Variants in PML observed in about 807,000 individuals in gnomAD.
PML encodes protein PML.
A neutral mutation model predicts 65.2 loss-of-function variants in PML; 28 were observed. The observed-to-expected ratio is 0.43, with a 90% CI of 0.32 to 0.59. PML has a LOEUF of 0.59. Ranked by LOEUF, PML falls within the 20% of genes least tolerant of loss-of-function variation. The probability of loss-of-function intolerance (pLI) is 0.08; values close to 1 mark genes in which losing one functional copy is unlikely to be tolerated. For synonymous variants in PML, 500 were observed against 508.8 expected (o/e 0.98, Z 0.23); for missense variants, 1,021 against 1,203.4 (o/e 0.85, Z 2.24).
Position 74,022,946 on chromosome 15 carries a change from G to T in PML, c.721G>T (p.Asp241Tyr), listed in dbSNP as rs779837719. Reference protein sequence around the residue: ...AEIQQRQEELDAMTQALQEQD... With the variant: ...AEIQQRQEELYAMTQALQEQD... ...GATCCAGCAGCGACAGGAGGAGCTGGACGCCATGACGCAGGCGCTGCAGGA... is the reference window on the plus strand; with the variant it reads ...GATCCAGCAGCGACAGGAGGAGCTGTACGCCATGACGCAGGCGCTGCAGGA... The change falls in exon 3 of 9, where the codon GAC becomes TAC. Residue 241 changes from aspartate to tyrosine, a missense_variant. Transcript: ENST00000268058. 9 of 1,611,344 alleles carry T rather than the reference G, an allele frequency of 5.6e-6. No individual in the cohort carries two copies. In the South Asian group the frequency reaches 8.8e-5, roughly 16 times the overall value.
At chr15:74,013,671 A>G (rs973809448) in intron 2 of PML, among the ~76,000 whole-genome samples, 13 of 152,206 alleles carry the variant, frequency 8.5e-5, no homozygotes, top group African/African-American at 3.1e-4. Context: ...CTCAACTCAT[A>G]TATTGCTATG....
chr15:74,004,351 G>C (rs2069932630), intron 2 of PML, among the ~76,000 whole-genome samples: 2 of 152,244 alleles, frequency 1.3e-5, no homozygotes, highest in South Asian at 4.2e-4. Context: ...GCCCAGGCTG[G>C]TGTGCAGTGG....
rs981595491 is a variant in PML at position 74,037,682 on chromosome 15, G to A, written c.1710+3152G>A. 2.8e-5 allele frequency: 28 copies of A among 985,212 alleles called. No individual in the cohort carries two copies. Among genetic ancestry groups the A allele is most frequent in the Non-Finnish European group, 3.3e-5 (27 of 829,912 alleles). The allele number at this position is 985,212 out of a possible 1,614,324, so 61.0% of individuals were successfully genotyped here. A position where few individuals can be genotyped will look rare whatever the true frequency, so the allele number is the denominator to read the frequency against. On this transcript the variant is annotated intron_variant, in intron 7 of 8. Coordinates refer to ENST00000268058, the MANE Select transcript of PML (RefSeq NM_033238.3). The surrounding 1 kb of genome is among the most constrained non-coding windows in gnomAD (Gnocchi z 4.2). ...TCGTTATTATTCTTGACCGGCGCTG[G>A]GCCCGGTCTTTCCTGGAAAGATCGC...
intron 2 of PML, among the ~76,000 whole-genome samples, chr15:74,020,452 A>G (rs912550255): frequency 6.6e-5 from 10 of 151,788 alleles, no homozygotes; most frequent in African/African-American, 2.4e-4. Flanking sequence ...ACCAAGACTT[A>G]TTCTTATCAC....
intron 7 of PML, chr15:74,036,941 GCCT>G: frequency 1.0e-6 from 1 of 985,242 alleles, no homozygotes; most frequent in Non-Finnish European, 1.2e-6. Flanking sequence ...TCCTACCTTC[GCCT>G]CCCTCCAGCC....
Position 74,043,338 on chromosome 15 carries a change from A to G in PML, c.1861+199A>G. 6.9e-7 allele frequency: 1 copy of G among 1,457,818 alleles called. No individual in the cohort carries two copies. 90.3% of individuals were successfully genotyped at this position (1,457,818 alleles called of 1,614,324 possible). A position where few individuals can be genotyped will look rare whatever the true frequency, so the allele number is the denominator to read the frequency against. Reference sequence around the variant, plus strand: ...TGGCTTGAATAAAGATGTCCGCCTTATCCAGTGCCTGAGTGTGCGAGAGAG... The same window carrying G: ...TGGCTTGAATAAAGATGTCCGCCTTGTCCAGTGCCTGAGTGTGCGAGAGAG... On this transcript the variant is annotated intron_variant, in intron 8 of 8. Coordinates refer to ENST00000268058, the MANE Select transcript of PML (RefSeq NM_033238.3). This position sits in a 1 kb window ranked among gnomAD's most constrained non-coding sequence, Gnocchi z 4.3.
Position 74,037,517 on chromosome 15 carries a change from C to G in PML, c.1710+2987C>G. ...CTCAGAAAACTCCACCCACTTCTCT[C>G]TCCAGCTGTCGGCTCCCCTTCCTCT... On this transcript the variant is annotated intron_variant, in intron 7 of 8. Coordinates refer to ENST00000268058, the MANE Select transcript of PML (RefSeq NM_033238.3). The surrounding 1 kb of genome is among the most constrained non-coding windows in gnomAD (Gnocchi z 4.2). 1.0e-6 allele frequency: 1 copy of G among 985,410 alleles called. No homozygotes were observed. The highest frequency in any genetic ancestry group is 1.2e-6 in the Non-Finnish European group (1 of 829,930). The allele number at this position is 985,410 out of a possible 1,614,324, so 61.0% of individuals were successfully genotyped here.
chr15:74,026,552 T>G (rs1211634128), intron 4 of PML: 2 of 152,188 alleles, frequency 1.3e-5, no homozygotes, highest in Non-Finnish European at 2.9e-5. Flanking sequence ...TTAATATATG[T>G]GTGCATAATA....
intron 2 of PML, among the ~76,000 whole-genome samples, chr15:74,020,180 A>T (rs980566120): frequency 6.6e-6 from 1 of 152,128 alleles, no homozygotes; most frequent in African/African-American, 2.4e-5. Flanking sequence ...ACTATGTATC[A>T]GTCTGGCTGG....
chr15:74,024,982 G>A, intron 4 of PML, 55 bp downstream of exon 4: 1 of 1,176,574 alleles, frequency 8.5e-7, no homozygotes, highest in Non-Finnish European at 1.3e-6. Flanking sequence ...AGGTCAGGCA[G>A]GTTGTGAGTC....
At chr15:74,004,556 C>T (rs550650497) in intron 2 of PML, among the ~76,000 whole-genome samples, 227 of 152,226 alleles carry the variant, frequency 1.5e-3, no homozygotes, top group Non-Finnish European at 2.1e-3. Flanking sequence ...CTGCCTTAGC[C>T]GCCCAAAGCA....
In PML at chr15:74,035,655, C is replaced by T. The variant is rs767093256; in HGVS notation, c.1710+1125C>T. 10 of 1,613,928 alleles carry T rather than the reference C, an allele frequency of 6.2e-6. No individual in the cohort carries two copies. Among genetic ancestry groups the T allele is most frequent in the Admixed American group, 3.3e-5 (2 of 60,008 alleles). Reference sequence around the variant, plus strand: ...CCGGATACGAGGGGCTGTGCGATCCCGCAGCCGCTCCCTCCGGGGCTCCTC... The same window carrying T: ...CCGGATACGAGGGGCTGTGCGATCCTGCAGCCGCTCCCTCCGGGGCTCCTC... On this transcript the variant is annotated intron_variant, in intron 7 of 8. Transcript: ENST00000268058. This position sits in a 1 kb window ranked among gnomAD's most constrained non-coding sequence, Gnocchi z 4.1.
intron 2 of PML, 141 bp downstream of exon 2, chr15:73,998,617 A>C (rs1257090479): frequency 9.6e-6 from 7 of 728,256 alleles, no homozygotes; most frequent in Non-Finnish European, 1.6e-5. Context: ...GCAGATATGC[A>C]GTGTCCGTGT....
At position 74,045,903 on chromosome 15, in the gene PML, C is replaced by T. The variant is rs1349780648; in HGVS notation, c.*895C>T. On this transcript the variant is annotated 3_prime_UTR_variant, in exon 9 of 9. Transcript: ENST00000268058. ...GGAATCAGAATCTTCAGGGTGGGGC[C>T]CAGCAGTCTGTGTTTTAACAGGTTC... 4.3e-6 allele frequency: 1 copy of T among 232,226 alleles called. No homozygotes were observed. The highest frequency in any genetic ancestry group is 6.1e-5 in the East Asian group (1 of 16,488). 14.4% of individuals were successfully genotyped at this position (232,226 alleles called of 1,614,324 possible).
At position 74,037,830 on chromosome 15, in the gene PML, A is replaced by G; in HGVS notation, c.1710+3300A>G. On this transcript the variant is annotated intron_variant, in intron 7 of 8. Transcript: ENST00000268058. The surrounding 1 kb of genome is among the most constrained non-coding windows in gnomAD (Gnocchi z 4.2). ...CTCTTTTCAGTCTGTGTATTCTCCCAGGTGCTCTCAGCCACGCCCCTGACT... is the reference window on the plus strand; with the variant it reads ...CTCTTTTCAGTCTGTGTATTCTCCCGGGTGCTCTCAGCCACGCCCCTGACT... 1.1e-5 allele frequency: 6 copies of G among 560,426 alleles called. No individual in the cohort carries two copies. The highest frequency in any genetic ancestry group is 1.1e-5 in the Non-Finnish European group (5 of 441,710). 34.7% of individuals were successfully genotyped at this position (560,426 alleles called of 1,614,324 possible).
Position 74,043,597 on chromosome 15 carries a change from A to G in PML, c.1861+458A>G. The G allele has an allele frequency of 2.3e-6, 1 of 436,646 alleles. No individual in the cohort carries two copies. The highest frequency in any genetic ancestry group is 3.2e-5 in the Admixed American group (1 of 31,468). The allele number at this position is 436,646 out of a possible 1,614,324, so 27.0% of individuals were successfully genotyped here. A position where few individuals can be genotyped will look rare whatever the true frequency, so the allele number is the denominator to read the frequency against. ...GAGGGATCAGACCCCTTATCCTGGA[A>G]GCCCCTCTACTTCCTCCAGTGCTTG... On this transcript the variant is annotated intron_variant, in intron 8 of 8. Transcript: ENST00000268058. The surrounding 1 kb of genome is among the most constrained non-coding windows in gnomAD (Gnocchi z 4.3).
chr15:73,998,034 T>C lies in PML; in HGVS notation c.160T>C (p.Phe54Leu). Residue 54 changes from phenylalanine (F) to leucine (L), a missense_variant, in exon 2 of 9, where the codon TTT (phenylalanine) becomes CTT (leucine). Physicochemically the swap from Phe to Leu is conservative, Grantham distance 22. Transcript: ENST00000268058. ...CCCCGCTTCGGAGGAGGAGTTCCAGTTTCTGCGCTGCCAGCAATGCCAGGC... is the reference window on the plus strand; with the variant it reads ...CCCCGCTTCGGAGGAGGAGTTCCAGCTTCTGCGCTGCCAGCAATGCCAGGC... ...RAPASEEEFQ[F>L]LRCQQCQAEA... 6.2e-7 allele frequency: 1 copy of C among 1,612,608 alleles called. No homozygotes were observed. The highest frequency in any genetic ancestry group is 8.5e-7 in the Non-Finnish European group (1 of 1,179,890).
At chr15:74,023,493 G>C in intron 3 of PML, 85 bp downstream of exon 3, 1 of 1,105,156 alleles carries the variant, frequency 9.0e-7, no homozygotes, top group Non-Finnish European at 1.3e-6. Flanking sequence ...ATCTCCATTT[G>C]ACAGAAAAGA....
intron 2 of PML, among the ~76,000 whole-genome samples, chr15:74,011,938 G>A (rs1029192482): frequency 5.3e-5 from 8 of 152,182 alleles, no homozygotes; most frequent in Non-Finnish European, 1.2e-4. Flanking sequence ...CACAGCTAAT[G>A]ACTGCACTGA....
Sources: gnomAD v4.1 joint callset for allele counts (sites outside exome capture counted in the v4.1 genomes callset) on GRCh38, gnomAD v4.1.1 for gene constraint, Gnocchi (gnomAD v3.1) non-coding constraint, MANE v1.5 for transcripts, NCBI Gene and HGNC (gene_info 2026-07-23, HGNC 2026-07-21) for gene names.